Variants in RIMS2 observed in about 807,000 individuals in gnomAD.
RIMS2 encodes regulating synaptic membrane exocytosis protein 2.
In RIMS2, 59 loss-of-function variants were observed where a neutral mutation model predicts 174.4. The ratio of observed to expected loss-of-function variants is 0.34; its 90% confidence interval spans 0.27 to 0.42. RIMS2 has a LOEUF of 0.42. Ranked by LOEUF, RIMS2 falls within the 10% of genes least tolerant of loss-of-function variation. RIMS2 has a pLI of 1.00. For missense variants in RIMS2, 1,620 were observed against 1,666.3 expected (o/e 0.97, Z 0.48); for synonymous variants, 606 against 572.5 (o/e 1.06, Z -0.84).
intron 1 of RIMS2, among the ~76,000 whole-genome samples, chr8:103,532,788 G>A (rs1178390581): frequency 1.3e-5 from 2 of 152,078 alleles, no homozygotes; most frequent in Non-Finnish European, 2.9e-5. Flanking sequence ...GCTGTACTAT[G>A]ACATTTAGTT....
intron 19 of RIMS2, among the ~76,000 whole-genome samples, chr8:104,224,661 G>T (rs1257656531): frequency 1.3e-5 from 2 of 152,142 alleles, no homozygotes; most frequent in East Asian, 3.8e-4. Flanking sequence ...AAATAACAGG[G>T]TTGGTTTTGC....
chr8:103,612,548 C>T (rs1186719420), intron 1 of RIMS2, among the ~76,000 whole-genome samples: 1 of 152,136 alleles, frequency 6.6e-6, no homozygotes, highest in Non-Finnish European at 1.5e-5. Flanking sequence ...GAAGAATTCT[C>T]TGGATTACTA....
intron 1 of RIMS2, among the ~76,000 whole-genome samples, chr8:103,568,163 T>A (rs796766940): frequency 1.5e-4 from 23 of 152,116 alleles, no homozygotes; most frequent in African/African-American, 5.1e-4. Context: ...CTGGGCTTGG[T>A]GGTGTGCCTC....
At chr8:103,586,276 C>A (rs1407398702) in intron 1 of RIMS2, among the ~76,000 whole-genome samples, 3 of 152,134 alleles carry the variant, frequency 2.0e-5, no homozygotes, top group Non-Finnish European at 4.4e-5. Context: ...AGCATTTTAT[C>A]CAATAGCTGC....
At chr8:103,625,570 A>C (rs2095761546) in intron 1 of RIMS2, among the ~76,000 whole-genome samples, 1 of 152,170 alleles carries the variant, frequency 6.6e-6, no homozygotes, top group Non-Finnish European at 1.5e-5. Context: ...ATATAAAGGG[A>C]GAATTATTTC....
chr8:103,601,856 T>C (rs536851133), intron 1 of RIMS2, among the ~76,000 whole-genome samples: 1 of 152,326 alleles, frequency 6.6e-6, no homozygotes, highest in East Asian at 1.9e-4. Context: ...GCAAAGACTT[T>C]CTTATAACCT....
intron 19 of RIMS2, among the ~76,000 whole-genome samples, chr8:104,060,223 T>TGTG (rs2096956494): frequency 6.6e-6 from 1 of 151,502 alleles, no homozygotes; most frequent in South Asian, 2.1e-4. Flanking sequence ...GTTGGTAAGC[T>TGTG]ATTGATTATT....
In RIMS2 at chr8:103,746,567, A is replaced by T. The variant is rs184545666; in HGVS notation, c.388-19660A>T. Among the ~76,000 whole-genome samples the T allele has an allele frequency of 5.3e-5, 8 of 152,206 alleles. No homozygotes were observed. In the East Asian group the frequency reaches 1.5e-3, roughly 29 times the overall value. On this transcript the variant is annotated intron_variant, in intron 2 of 23. Coordinates refer to ENST00000504942, the Ensembl canonical transcript of RIMS2. ...TCATCACTCAGGTATTAAGCCTAGT[A>T]TCCATTAGTTGTTTTCCTGATCCTC...
intron 3 of RIMS2, among the ~76,000 whole-genome samples, chr8:103,874,105 G>A (rs1301770357): frequency 6.6e-6 from 1 of 152,042 alleles, no homozygotes; most frequent in Non-Finnish European, 1.5e-5. Flanking sequence ...TTATCACTAT[G>A]TGGATATTGA....
At chr8:104,121,695 C>T (rs1056874414) in intron 19 of RIMS2, among the ~76,000 whole-genome samples, 3 of 152,176 alleles carry the variant, frequency 2.0e-5, no homozygotes, top group African/African-American at 7.2e-5. Context: ...AGCGAGGTGG[C>T]TCTAGCCTGT....
chr8:104,013,313 A>G, intron 17 of RIMS2, 129 bp from the exon 20 acceptor site: 1 of 755,568 alleles, frequency 1.3e-6, no homozygotes. Context: ...TATGTTGGGG[A>G]AAAGAAAAAT....
At chr8:104,092,894 C>T (rs980976894) in intron 19 of RIMS2, among the ~76,000 whole-genome samples, 1 of 151,930 alleles carries the variant, frequency 6.6e-6, no homozygotes, top group African/African-American at 2.4e-5. Context: ...CCTGGCTGTG[C>T]CAGTTAACTA....
chr8:103,610,749 T>C (rs1588973025), intron 1 of RIMS2, among the ~76,000 whole-genome samples: 1 of 152,228 alleles, frequency 6.6e-6, no homozygotes, highest in East Asian at 1.9e-4. Flanking sequence ...TGTTGAAGAG[T>C]TTTACATCTA....
rs150792038 is a variant in RIMS2 at position 103,771,804 on chromosome 8, C to G, written c.698+5267C>G. ...CTGGTAGTTGTATGACAAATTAATG[C>G]AGGATTATCTCCATTCATATTATAA... On this transcript the variant is annotated intron_variant, in intron 3 of 23. Coordinates refer to ENST00000504942, the Ensembl canonical transcript of RIMS2. Among the ~76,000 whole-genome samples the G allele has an allele frequency of 2.6e-5, 4 of 152,170 alleles. No individual in the cohort carries two copies. The East Asian group carries it at 7.7e-4, about 29-fold the overall frequency.
chr8:103,636,941 T>C (rs1262759024), intron 1 of RIMS2, among the ~76,000 whole-genome samples: 1 of 152,172 alleles, frequency 6.6e-6, no homozygotes, highest in Non-Finnish European at 1.5e-5. Context: ...GATCTATTTA[T>C]GCAAACGAAG....
chr8:103,789,007 G>A (rs1405257208), intron 3 of RIMS2, among the ~76,000 whole-genome samples: 2 of 152,216 alleles, frequency 1.3e-5, no homozygotes, highest in East Asian at 1.9e-4. Flanking sequence ...GAAAAGCGCA[G>A]TATTCGGGTG....
chr8:103,766,491 G>A, exon 3 of RIMS2: 1 of 1,613,846 alleles, frequency 6.2e-7, no homozygotes. Context: ...TATTAAAAAT[G>A]GGTCAGGCGT....
intron 1 of RIMS2, among the ~76,000 whole-genome samples, chr8:103,532,376 T>A (rs1342397051): frequency 1.3e-5 from 2 of 152,246 alleles, no homozygotes; most frequent in South Asian, 2.1e-4. Context: ...CAACTTTTGA[T>A]TAAAACAATA....
intron 19 of RIMS2, among the ~76,000 whole-genome samples, chr8:104,198,339 T>C (rs542225166): frequency 4.3e-4 from 66 of 152,344 alleles, no homozygotes; most frequent in African/African-American, 1.5e-3. Flanking sequence ...GCCCCTGTTA[T>C]GGTGAAGACC....
Sources: gnomAD v4.1 joint callset for allele counts (sites outside exome capture counted in the v4.1 genomes callset) on GRCh38, gnomAD v4.1.1 for gene constraint, MANE v1.5 for transcripts, NCBI Gene and HGNC (gene_info 2026-07-23, HGNC 2026-07-21) for gene names.